Variants in MME observed in about 807,000 individuals in gnomAD.
MME encodes the protein neprilysin.
Under a neutral mutation model 113.2 loss-of-function variants are expected in MME, and 98 were observed. The observed-to-expected ratio is 0.87, with a 90% CI of 0.74 to 1.02. The LOEUF (loss-of-function observed/expected upper bound fraction) is 1.02, where lower values mean the gene tolerates loss of function less well. Ranked by LOEUF, MME falls within the 50% of genes least tolerant of loss-of-function variation. The pLI, the probability that MME is intolerant of heterozygous loss-of-function variation, is 0.00. For synonymous variants in MME, 292 were observed against 300.6 expected, an observed-to-expected ratio of 0.97 and a Z score of 0.30; for missense variants, 836 against 896.0, an observed-to-expected ratio of 0.93 and a Z score of 0.86.
chr3:155,158,473 C>A (rs1402951488), intron 16 of MME: 2 of 152,058 alleles, frequency 1.3e-5, no homozygotes, highest in African/African-American at 2.4e-5. Context: ...ATGTTTCCCC[C>A]TAGGAGTAGT....
chr3:155,129,671 G>T (rs1432758627), intron 8 of MME, among the ~76,000 whole-genome samples: 2 of 152,102 alleles, frequency 1.3e-5, no homozygotes, highest in Non-Finnish European at 2.9e-5. Context: ...CTATATCTTT[G>T]TTAAAGAGAT....
At chr3:155,086,841 G>T (rs961139039) in intron 3 of MME, among the ~76,000 whole-genome samples, 2 of 152,038 alleles carry the variant, frequency 1.3e-5, no homozygotes, top group Non-Finnish European at 2.9e-5. Context: ...ATCTTGCTCT[G>T]TCACCCAGGC....
At chr3:155,037,281 T>C (rs1713158927) in intron 1 of MME, among the ~76,000 whole-genome samples, 1 of 152,206 alleles carries the variant, frequency 6.6e-6, no homozygotes, top group Non-Finnish European at 1.5e-5. Context: ...TGGAAGTGGT[T>C]TATGTTTTTT....
intron 17 of MME, among the ~76,000 whole-genome samples, chr3:155,164,862 T>C (rs962697554): frequency 4.6e-5 from 7 of 152,222 alleles, no homozygotes; most frequent in African/African-American, 1.4e-4. Flanking sequence ...TTGAATGTTA[T>C]GGCAACTTTC....
intron 8 of MME, among the ~76,000 whole-genome samples, chr3:155,124,688 T>G (rs1719450371): frequency 6.6e-6 from 1 of 151,614 alleles, no homozygotes; most frequent in African/African-American, 2.4e-5. Flanking sequence ...GTGTGAGGTG[T>G]CAGTGTGCCC....
intron 1 of MME, among the ~76,000 whole-genome samples, chr3:155,060,331 G>A (rs142347094): frequency 2.0e-5 from 3 of 152,144 alleles, no homozygotes; most frequent in Non-Finnish European, 2.9e-5. Context: ...GGTTAAGATG[G>A]TTTACTAACT....
At chr3:155,089,870 G>T (rs1291146067) in intron 3 of MME, 5 of 452,526 alleles carry the variant, frequency 1.1e-5, no homozygotes, top group Non-Finnish European at 4.5e-6. Flanking sequence ...AGAGGGAGGA[G>T]AATTGCTTGA....
At chr3:155,133,507 A>G (rs1229687638) in intron 8 of MME, among the ~76,000 whole-genome samples, 1 of 151,496 alleles carries the variant, frequency 6.6e-6, no homozygotes, top group Non-Finnish European at 1.5e-5. Context: ...CGGTAAGGAT[A>G]AAGAGACTGG....
chr3:155,048,002 T>C lies in MME; in HGVS notation c.-11+23678T>C, dbSNP rs541939104. Among the ~76,000 whole-genome samples the C allele has an allele frequency of 9.2e-5, 14 of 152,302 alleles. No homozygotes were observed. The South Asian group carries it at 2.7e-3, about 29-fold the overall frequency. On this transcript the variant is annotated intron_variant, in intron 1 of 22. Transcript: ENST00000492661. ...ATCATTTCAGTTATTTTATCCATTA[T>C]TTAGGTCTTTCCTGAGTAGGCTTTA...
intron 1 of MME, among the ~76,000 whole-genome samples, chr3:155,051,538 C>T (rs943058321): frequency 6.6e-6 from 1 of 152,122 alleles, no homozygotes; most frequent in African/African-American, 2.4e-5. Context: ...AGGTGAGAGG[C>T]AGGTGAGAGA....
intron 22 of MME, among the ~76,000 whole-genome samples, chr3:155,178,426 C>G (rs1485609494): frequency 6.6e-6 from 1 of 152,088 alleles, no homozygotes; most frequent in African/African-American, 2.4e-5. Flanking sequence ...TCTTTCTCTT[C>G]CAGTTGGTCC....
intron 12 of MME, 63 bp from the exon 13 acceptor site, chr3:155,143,380 G>T: frequency 1.3e-6 from 2 of 1,582,180 alleles, no homozygotes; most frequent in Non-Finnish European, 1.7e-6. Context: ...TGAAATGTGT[G>T]CTCTTAACAT....
intron 3 of MME, 86 bp downstream of exon 3, chr3:155,085,180 C>T: frequency 3.6e-6 from 3 of 841,680 alleles, no homozygotes; most frequent in South Asian, 3.2e-5. Context: ...GCTTTGTTTA[C>T]ACTTTTATTC....
intron 16 of MME, among the ~76,000 whole-genome samples, chr3:155,153,175 C>T (rs1300105676): frequency 6.6e-6 from 1 of 151,908 alleles, no homozygotes; most frequent in East Asian, 1.9e-4. Flanking sequence ...TACAGGTGTG[C>T]ACCACCATGC....
chr3:155,141,864 A>G (rs921997363), intron 10 of MME, 127 bp from the exon 11 acceptor site: 71 of 1,010,136 alleles, frequency 7.0e-5, no homozygotes, highest in Non-Finnish European at 9.8e-5. Context: ...TTAAAAACTG[A>G]TTGAAACAAT....
At chr3:155,024,599 A>G (rs1205248696) in intron 1 of MME, among the ~76,000 whole-genome samples, 1 of 152,216 alleles carries the variant, frequency 6.6e-6, no homozygotes, top group East Asian at 1.9e-4. Context: ...CCTTAACTTT[A>G]TATATTGATA....
At position 155,066,504 on chromosome 3, in the gene MME, G is replaced by C. The variant is rs1245963343; in HGVS notation, c.-10-17654G>C. Among the ~76,000 whole-genome samples the C allele has an allele frequency of 2.6e-5, 4 of 152,062 alleles. No homozygotes were observed. In the East Asian group the frequency reaches 5.8e-4, roughly 22 times the overall value. On this transcript the variant is annotated intron_variant, in intron 1 of 22. Coordinates refer to the MME transcript ENST00000492661. ...AGTTTTCCATGGAGTGAGTATCGTC[G>C]TTTGAAAGTAATTGAGCTAAATATT...
rs1062487 is a variant in MME, at chr3:155,084,244, C to T, written c.77C>T (p.Pro26Leu). 2.5e-6 allele frequency: 4 copies of T among 1,613,924 alleles called. No individual in the cohort carries two copies. Among genetic ancestry groups the T allele is most frequent in the Non-Finnish European group, 3.4e-6 (4 of 1,179,984 alleles). The change falls in exon 2 of 23, where the codon CCA becomes CTA. Residue 26 changes from proline to leucine, a missense_variant. Physicochemically the swap from Pro to Leu is moderately conservative, Grantham distance 98. Coordinates refer to ENST00000360490, the MANE Select transcript of MME (RefSeq NM_007289.4). The stretch of plus-strand genomic sequence containing the variant: ...CCAAAGAAGAAACAGCGATGGACTC[C>T]ACTGGAGATCAGCCTCTCGGTCCTT... Reference protein sequence around the residue: ...PKPKKKQRWTPLEISLSVLVL... With the variant: ...PKPKKKQRWTLLEISLSVLVL...
chr3:155,125,164 G>T lies in MME; in HGVS notation c.720+6353G>T, dbSNP rs1319245790. 2.7e-5 allele frequency among the ~76,000 whole-genome samples: 4 copies of T among 148,278 alleles called. No individual in the cohort carries two copies. In the East Asian group the frequency reaches 8.1e-4, roughly 30 times the overall value. On this transcript the variant is annotated intron_variant, in intron 8 of 22. Coordinates refer to ENST00000360490, the MANE Select transcript of MME (RefSeq NM_007289.4). Reference sequence around the variant, plus strand: ...GGTCTGAAAAGCGCAATATTCGGGTGGGAGTGACCCGATTTTCCAGGTGCG... The same window carrying T: ...GGTCTGAAAAGCGCAATATTCGGGTTGGAGTGACCCGATTTTCCAGGTGCG...
Sources: gnomAD v4.1 joint callset for allele counts (sites outside exome capture counted in the v4.1 genomes callset) on GRCh38, gnomAD v4.1.1 for gene constraint, MANE v1.5 for transcripts, NCBI Gene and HGNC (gene_info 2026-07-23, HGNC 2026-07-21) for gene names.